Variants in RSRC1 observed in about 807,000 individuals in gnomAD.
RSRC1 encodes the protein serine/Arginine-related protein 53.
In RSRC1, 39 loss-of-function variants were observed where a neutral mutation model predicts 49.1. That is an observed-to-expected ratio of 0.79 (90% CI 0.61 to 1.04). The LOEUF is 1.04. RSRC1 is among the 50% of genes least tolerant of loss of function. The probability of loss-of-function intolerance (pLI) is 0.00; values close to 1 mark genes in which losing one functional copy is unlikely to be tolerated. For missense variants in RSRC1, 388 were observed against 402.4 expected (o/e 0.96, Z 0.31); for synonymous variants, 143 against 130.8 (o/e 1.09, Z -0.63).
intron 3 of RSRC1, among the ~76,000 whole-genome samples, chr3:158,198,179 A>G (rs1720763030): frequency 1.3e-5 from 2 of 152,048 alleles, no homozygotes; most frequent in Non-Finnish European, 2.9e-5. Flanking sequence ...GTGCTCCTGT[A>G]TTGGGTGCAT....
chr3:158,425,809 A>T (rs988185968), intron 6 of RSRC1, among the ~76,000 whole-genome samples: 3 of 151,684 alleles, frequency 2.0e-5, no homozygotes, highest in African/African-American at 7.2e-5. Flanking sequence ...ATAATTTAGA[A>T]GTTTAATTTT....
chr3:158,515,665 G>A (rs1355211206), intron 7 of RSRC1, among the ~76,000 whole-genome samples: 2 of 139,916 alleles, frequency 1.4e-5, no homozygotes, highest in Admixed American at 7.2e-5. Context: ...GATTGGGGAA[G>A]TTCTCCTGGA....
intron 6 of RSRC1, among the ~76,000 whole-genome samples, chr3:158,440,888 C>A (rs1460470291): frequency 6.6e-6 from 1 of 151,830 alleles, no homozygotes; most frequent in Non-Finnish European, 1.5e-5. Flanking sequence ...CTTGCAGAGA[C>A]CCGAGATCAC....
chr3:158,320,963 C>T (rs965722046), intron 5 of RSRC1, among the ~76,000 whole-genome samples: 5 of 152,120 alleles, frequency 3.3e-5, no homozygotes, highest in African/African-American at 7.2e-5. Flanking sequence ...AACACTGGTT[C>T]TTAATTTTTT....
intron 7 of RSRC1, among the ~76,000 whole-genome samples, chr3:158,477,692 G>T (rs1738425825): frequency 6.6e-6 from 1 of 150,838 alleles, no homozygotes; most frequent in Non-Finnish European, 1.5e-5. Context: ...TGATGTTCTG[G>T]AACCAAACCA....
chr3:158,286,034 G>C (rs937351047), intron 4 of RSRC1, among the ~76,000 whole-genome samples: 1 of 152,076 alleles, frequency 6.6e-6, no homozygotes, highest in South Asian at 2.1e-4. Context: ...TTTCCTAACT[G>C]TTTAAATGTG....
chr3:158,201,439 A>G (rs759738478), intron 3 of RSRC1, among the ~76,000 whole-genome samples: 19 of 152,242 alleles, frequency 1.2e-4, no homozygotes, highest in Non-Finnish European at 2.5e-4. Context: ...CACTGAAAAA[A>G]TGTTTTCTGC....
intron 6 of RSRC1, among the ~76,000 whole-genome samples, chr3:158,456,229 T>G (rs766824192): frequency 5.9e-5 from 9 of 151,744 alleles, no homozygotes; most frequent in Non-Finnish European, 8.8e-5. Flanking sequence ...GAGACCAGAT[T>G]CCTTTAACCT....
At chr3:158,518,118 G>GCATATATATATA (rs1341871336) in intron 7 of RSRC1, among the ~76,000 whole-genome samples, 10 of 75,802 alleles carry the variant, frequency 1.3e-4, no homozygotes, top group African/African-American at 6.7e-4. Flanking sequence ...GTGTGTGTGT[G>GCATATATATATA]TGTGTGTGTA....
chr3:158,241,409 A>G (rs993750012), intron 4 of RSRC1, among the ~76,000 whole-genome samples: 6 of 152,114 alleles, frequency 3.9e-5, no homozygotes, highest in South Asian at 2.1e-4. Context: ...AGATTATGCT[A>G]CTGCACTCCA....
At chr3:158,229,198 ATGTG>A (rs1559952348) in intron 4 of RSRC1, among the ~76,000 whole-genome samples, 1 of 98,814 alleles carries the variant, frequency 1.0e-5, no homozygotes, top group South Asian at 2.9e-4. Context: ...ACATACATAT[ATGTG>A]TATATATGTA....
At chr3:158,321,793 G>A (rs827119) in intron 5 of RSRC1, among the ~76,000 whole-genome samples, 139,087 of 152,124 alleles carry the variant, frequency 0.91, 63,716 homozygotes, top group East Asian at 1. Flanking sequence ...GTATCATAAT[G>A]TACTTATTTC....
At chr3:158,512,162 T>C (rs1179893551) in intron 7 of RSRC1, among the ~76,000 whole-genome samples, 3 of 148,978 alleles carry the variant, frequency 2.0e-5, no homozygotes, top group Non-Finnish European at 4.5e-5. Flanking sequence ...CCATTGCTTT[T>C]GGTGTTTTAG....
intron 6 of RSRC1, among the ~76,000 whole-genome samples, chr3:158,449,057 ACATTTTT>A (rs1316702179): frequency 6.6e-6 from 1 of 151,928 alleles, no homozygotes; most frequent in Non-Finnish European, 1.5e-5. Flanking sequence ...CATTCAGCCC[ACATTTTT>A]CATTTTTCAA....
In RSRC1 at chr3:158,539,903, T is replaced by C. The variant is rs1396018308; in HGVS notation, c.759+2705T>C. 6.6e-6 allele frequency among the ~76,000 whole-genome samples: 1 copy of C among 152,198 alleles called. No homozygotes were observed. Among genetic ancestry groups the C allele is most frequent in the Non-Finnish European group, 1.5e-5 (1 of 68,024 alleles). ...GCTTGGTTTATATGGTAGAATCTTA[T>C]CTCTGCTACCTGAAGAGGTGGTATC... On this transcript the variant is annotated intron_variant, in intron 8 of 9. Coordinates refer to ENST00000611884, the MANE Select transcript of RSRC1 (RefSeq NM_001271838.2). The surrounding 1 kb of genome is among the most constrained non-coding windows in gnomAD (Gnocchi z 4.1).
chr3:158,196,279 A>G (rs1169280191), intron 3 of RSRC1, among the ~76,000 whole-genome samples: 1 of 151,842 alleles, frequency 6.6e-6, no homozygotes, highest in Non-Finnish European at 1.5e-5. Flanking sequence ...ATGGGAGTTC[A>G]CTCATGATTT....
At chr3:158,200,556 T>A (rs914912809) in intron 3 of RSRC1, among the ~76,000 whole-genome samples, 2 of 152,172 alleles carry the variant, frequency 1.3e-5, no homozygotes, top group African/African-American at 2.4e-5. Flanking sequence ...TCCCTTCTTT[T>A]TTCTTTTTGC....
At chr3:158,111,748 A>G (rs1036206755) in intron 1 of RSRC1, among the ~76,000 whole-genome samples, 1 of 152,196 alleles carries the variant, frequency 6.6e-6, no homozygotes, top group African/African-American at 2.4e-5. Context: ...TTATAGTTTG[A>G]TATACTGAGT....
chr3:158,136,012 C>T lies in RSRC1; in HGVS notation c.320+12021C>T, dbSNP rs571324540. 1.4e-4 allele frequency among the ~76,000 whole-genome samples: 22 copies of T among 152,310 alleles called. No homozygotes were observed. In the South Asian group the frequency reaches 1.4e-3, roughly 10 times the overall value. On this transcript the variant is annotated intron_variant, in intron 3 of 9. Transcript: ENST00000611884. Reference sequence around the variant, plus strand: ...ACTTTGTCAAGGAAACATGGATATGCATGCAGTCTTACTCATTTTCAACGT... The same window carrying T: ...ACTTTGTCAAGGAAACATGGATATGTATGCAGTCTTACTCATTTTCAACGT...
Sources: gnomAD v4.1 joint callset for allele counts (sites outside exome capture counted in the v4.1 genomes callset) on GRCh38, gnomAD v4.1.1 for gene constraint, Gnocchi (gnomAD v3.1) non-coding constraint, MANE v1.5 for transcripts, NCBI Gene and HGNC (gene_info 2026-07-23, HGNC 2026-07-21) for gene names.